The following FBXW7 variants were observed in gnomAD, a reference collection of about 807,000 sequenced individuals.
FBXW7 encodes F-box and WD repeat domain containing 7.
FBXW7 carries 11 observed loss-of-function variants against 86.3 expected under a neutral mutation model. The observed-to-expected ratio is 0.13, with a 90% confidence interval of 0.08 to 0.21. FBXW7 has a LOEUF of 0.21. Ranked by LOEUF, FBXW7 falls within the 10% of genes least tolerant of loss-of-function variation. The probability of loss-of-function intolerance (pLI) is 1.00; values close to 1 mark genes in which losing one functional copy is unlikely to be tolerated. For synonymous variants in FBXW7, 313 were observed against 297.9 expected (o/e 1.05, Z -0.52); for missense variants, 488 against 847.4 (o/e 0.58, Z 5.27).
chr4:152,489,657 G>A (rs764619873), intron 2 of FBXW7, among the ~76,000 whole-genome samples: 13 of 152,134 alleles, frequency 8.5e-5, no homozygotes, highest in Non-Finnish European at 1.8e-4. Context: ...TTTAAGAGTT[G>A]CAGTTAAAGT....
At chr4:152,389,548 TAAGTA>T (rs1735824794) in intron 4 of FBXW7, among the ~76,000 whole-genome samples, 1 of 152,024 alleles carries the variant, frequency 6.6e-6, no homozygotes, top group Admixed American at 6.6e-5. Flanking sequence ...AAGTGAAAGC[TAAGTA>T]AAGTGTACAC....
rs571985655 is a variant in FBXW7, at chr4:152,410,891, G to A, written c.501+412C>T. ...TTGAGGCAACTTCTGAGTAATTTATGCCTTAGAGTGACACTTGTGAATAGC... is the reference window on the plus strand; with the variant it reads ...TTGAGGCAACTTCTGAGTAATTTATACCTTAGAGTGACACTTGTGAATAGC... On this transcript the variant is annotated intron_variant, in intron 4 of 13. Transcript: ENST00000281708. Among the ~76,000 whole-genome samples, 11 of 152,160 alleles carry A rather than the reference G, an allele frequency of 7.2e-5. No homozygotes were observed. In the South Asian group the frequency reaches 2.3e-3, roughly 32 times the overall value.
chr4:152,525,232 A>G (rs969201096), intron 2 of FBXW7, among the ~76,000 whole-genome samples: 6 of 152,202 alleles, frequency 3.9e-5, no homozygotes, highest in Non-Finnish European at 7.3e-5. Flanking sequence ...TAATTTCTAC[A>G]TTTACACCAA....
At chr4:152,417,488 A>G (rs1461036970) in intron 2 of FBXW7, among the ~76,000 whole-genome samples, 1 of 152,130 alleles carries the variant, frequency 6.6e-6, no homozygotes, top group East Asian at 1.9e-4. Context: ...GCAGAATGAA[A>G]AGAGCCTTTC....
intron 4 of FBXW7, among the ~76,000 whole-genome samples, chr4:152,359,563 T>C (rs1235993778): frequency 1.3e-5 from 2 of 152,032 alleles, no homozygotes; most frequent in African/African-American, 2.4e-5. Flanking sequence ...TACTCCAGCC[T>C]GGGTGATAAG....
Position 152,457,643 on chromosome 4 carries a change from CAAAAAA to C in FBXW7, c.-119-45120_-119-45115del, listed in dbSNP as rs769232533. Among the ~76,000 whole-genome samples the C allele has an allele frequency of 5.9e-4, 34 of 57,468 alleles. No individual in the cohort carries two copies. In the South Asian group the frequency reaches 0.02, roughly 34 times the overall value. 37.7% of individuals were successfully genotyped at this position (57,468 alleles called of 152,430 possible). A position where few individuals can be genotyped will look rare whatever the true frequency, so the allele number is the denominator to read the frequency against. Reference sequence around the variant, plus strand: ...TGGGTGACAGAGCAAGACTCTGTCTCAAAAAAAAAAAAAAAAAAAAAAGAACTCAAT... The same window carrying C: ...TGGGTGACAGAGCAAGACTCTGTCTCAAAAAAAAAAAAAAAAGAACTCAAT... On this transcript the variant is annotated intron_variant, in intron 2 of 13. Coordinates refer to ENST00000281708, the MANE Select transcript of FBXW7 (RefSeq NM_001349798.2).
At chr4:152,483,556 G>C (rs1406341829) in intron 2 of FBXW7, among the ~76,000 whole-genome samples, 1 of 152,044 alleles carries the variant, frequency 6.6e-6, no homozygotes, top group East Asian at 1.9e-4. Context: ...ACAAAAATTA[G>C]TTGGAAACAG....
intron 4 of FBXW7, among the ~76,000 whole-genome samples, chr4:152,398,645 C>A (rs1736638019): frequency 1.3e-5 from 2 of 151,966 alleles, no homozygotes; most frequent in African/African-American, 4.8e-5. Context: ...TTTAAACATA[C>A]CTAATCACAA....
chr4:152,351,887 C>G (rs1731852273), intron 4 of FBXW7, among the ~76,000 whole-genome samples: 1 of 151,976 alleles, frequency 6.6e-6, no homozygotes, highest in Non-Finnish European at 1.5e-5. Context: ...ATCAAGGAAA[C>G]CACTGAGAAA....
chr4:152,341,450 A>G (rs1199889272), intron 6 of FBXW7, among the ~76,000 whole-genome samples: 6 of 152,008 alleles, frequency 3.9e-5, no homozygotes, highest in Non-Finnish European at 7.4e-5. Context: ...AAACTCATCC[A>G]CCTCATCCCC....
chr4:152,356,737 T>TA (rs1355583700), intron 4 of FBXW7, among the ~76,000 whole-genome samples: 1 of 152,214 alleles, frequency 6.6e-6, no homozygotes, highest in African/African-American at 2.4e-5. Flanking sequence ...GTTTGCTTAT[T>TA]AAAACTGGCA....
At chr4:152,464,772 G>A (rs570660364) in intron 2 of FBXW7, among the ~76,000 whole-genome samples, 46 of 152,260 alleles carry the variant, frequency 3.0e-4, no homozygotes, top group African/African-American at 1.1e-3. Flanking sequence ...AAGTCAAGAC[G>A]TCTATGTATG....
At chr4:152,433,842 T>G (rs770638026) in intron 2 of FBXW7, among the ~76,000 whole-genome samples, 20 of 152,232 alleles carry the variant, frequency 1.3e-4, no homozygotes, top group Admixed American at 8.5e-4. Context: ...AAAAAATGAT[T>G]GACTATTTTC....
chr4:152,400,293 T>A (rs1408406681), intron 4 of FBXW7, among the ~76,000 whole-genome samples: 1 of 152,060 alleles, frequency 6.6e-6, no homozygotes, highest in Non-Finnish European at 1.5e-5. Flanking sequence ...TCAAAATGGA[T>A]CATAGACATA....
chr4:152,329,700 A>G lies in FBXW7; in HGVS notation c.1208T>C (p.Leu403Ser). 1 of 1,580,598 alleles carries G rather than the reference A, an allele frequency of 6.3e-7. No homozygotes were observed. Among genetic ancestry groups the G allele is most frequent in the Non-Finnish European group, 8.6e-7 (1 of 1,165,772 alleles). Residue 403 changes from leucine to serine, a missense_variant, in exon 10 of 14, where the codon TTA becomes TCA. Physicochemically the swap from Leu to Ser is moderately radical, Grantham distance 145 (BLOSUM62 -2). This residue lies in a region of FBXW7 where 142 missense variants were observed against 406.6 expected (regional missense o/e 0.35). Coordinates refer to ENST00000281708, the MANE Select transcript of FBXW7 (RefSeq NM_001349798.2). Reference sequence around the variant, plus strand: ...GCCTGTGACTGCTGACCAAACTTTTAAAGTGTTGTCATCAGAACCACTAAC... The same window carrying G: ...GCCTGTGACTGCTGACCAAACTTTTGAAGTGTTGTCATCAGAACCACTAAC... Reference protein sequence around the residue: ...RIVSGSDDNTLKVWSAVTGKC... With the variant: ...RIVSGSDDNTSKVWSAVTGKC...
intron 5 of FBXW7, among the ~76,000 whole-genome samples, chr4:152,347,627 G>A (rs1057513702): frequency 1.3e-5 from 2 of 152,010 alleles, no homozygotes; most frequent in Admixed American, 1.3e-4. Flanking sequence ...AGTTTGGTCT[G>A]AATAGTTGAC....
intron 2 of FBXW7, among the ~76,000 whole-genome samples, chr4:152,441,327 C>G (rs1261467144): frequency 1.3e-5 from 2 of 152,104 alleles, no homozygotes; most frequent in Non-Finnish European, 2.9e-5. Context: ...TTGATTTTCT[C>G]TACCCCTAAG....
At chr4:152,456,375 A>AC (rs1187802064) in intron 2 of FBXW7, among the ~76,000 whole-genome samples, 4 of 149,352 alleles carry the variant, frequency 2.7e-5, no homozygotes, top group Non-Finnish European at 6.0e-5. Context: ...AAAAAAAAAA[A>AC]AAAAAAAAAA....
At chr4:152,332,047 T>A (rs117481036) in intron 8 of FBXW7, among the ~76,000 whole-genome samples, 1 of 152,032 alleles carries the variant, frequency 6.6e-6, no homozygotes, top group African/African-American at 2.4e-5. Flanking sequence ...CTGAGGCACA[T>A]AGTATTTTTA....
Sources: allele counts gnomAD v4.1 joint callset (sites outside exome capture counted in the v4.1 genomes callset), GRCh38; gene constraint gnomAD v4.1.1; regional missense constraint gnomAD v4.1.1; transcripts MANE v1.5; gene names NCBI Gene and HGNC (gene_info 2026-07-23, HGNC 2026-07-21).